TMEM131: variants seen among roughly 807,000 people sequenced by gnomAD.
TMEM131 encodes the protein transmembrane protein 131, also known as 2610524E03Rik.
TMEM131 carries 66 observed loss-of-function variants against 211.6 expected under a neutral mutation model. That is an observed-to-expected ratio of 0.31 (90% CI 0.26 to 0.38). TMEM131 has a LOEUF of 0.38. TMEM131 is among the 10% of genes least tolerant of loss of function. The probability of loss-of-function intolerance (pLI) is 1.00; values close to 1 mark genes in which losing one functional copy is unlikely to be tolerated. For synonymous variants in TMEM131, 844 were observed against 841.3 expected (o/e 1.00, Z -0.06); for missense variants, 2,036 against 2,299.3 (o/e 0.89, Z 2.34).
intron 19 of TMEM131, among the ~76,000 whole-genome samples, chr2:97,808,024 T>C (rs1447250132): frequency 2.0e-5 from 3 of 150,034 alleles, no homozygotes; most frequent in Non-Finnish European, 4.5e-5. Context: ...GTGTTTTAGA[T>C]TTTTTTTTTG....
At chr2:97,832,004 C>CTAAAAAAAAAA (rs1553603064) in intron 11 of TMEM131, among the ~76,000 whole-genome samples, 1 of 60,266 alleles carries the variant, frequency 1.7e-5, no homozygotes, top group Non-Finnish European at 2.9e-5. Flanking sequence ...AAGTCACTTC[C>CTAAAAAAAAAA]AAAAAAAAAA....
At chr2:97,788,797 G>A (rs543183276) in intron 31 of TMEM131, among the ~76,000 whole-genome samples, 2 of 152,318 alleles carry the variant, frequency 1.3e-5, no homozygotes, top group African/African-American at 4.8e-5. Context: ...ACCTTGGCAA[G>A]TGTGGATCAG....
chr2:97,810,929 GA>G (rs773353922), intron 18 of TMEM131, among the ~76,000 whole-genome samples, 198 bp downstream of exon 18: 73 of 152,332 alleles, frequency 4.8e-4, no homozygotes, highest in Admixed American at 7.8e-4. Context: ...TTTAGGTTAG[GA>G]GGGTTGGGTT....
intron 5 of TMEM131, among the ~76,000 whole-genome samples, chr2:97,849,897 A>G (rs1363892230): frequency 1.3e-5 from 2 of 152,052 alleles, no homozygotes; most frequent in African/African-American, 4.8e-5. Context: ...TTAAAGCCAA[A>G]TTAACTTTAA....
chr2:97,815,472 AC>A (rs1205198375), intron 12 of TMEM131, among the ~76,000 whole-genome samples, 165 bp from the exon 13 acceptor site: 3 of 152,116 alleles, frequency 2.0e-5, no homozygotes, highest in African/African-American at 7.2e-5. Context: ...CATTTTTCAT[AC>A]AAAAGGGGGA....
In TMEM131 at chr2:97,815,282, C is replaced by A; in HGVS notation, c.1209G>T (p.Gln403His). ...CTTTAACTGTTATTTTCCCAGAAAA[C>A]TGAGATGGCTTTTTTGCCTTCGATG... ...FDASKAKKPS[Q>H]FSGKITVKAK... The change falls in exon 13 of 41, where the codon CAG becomes CAT. Residue 403 changes from glutamine to histidine, a missense_variant. Gln to His is a conservative substitution (Grantham distance 24). This residue lies in a region of TMEM131 where 1,623 missense variants were observed against 1,805.9 expected (regional missense o/e 0.90). Coordinates refer to ENST00000186436, the MANE Select transcript of TMEM131 (RefSeq NM_015348.2). The A allele has an allele frequency of 6.4e-7, 1 of 1,570,740 alleles. No homozygotes were observed. The highest frequency in any genetic ancestry group is 8.6e-7 in the Non-Finnish European group (1 of 1,167,318).
chr2:97,952,314 T>C (rs1295155178), intron 1 of TMEM131, among the ~76,000 whole-genome samples: 3 of 151,718 alleles, frequency 2.0e-5, no homozygotes, highest in Non-Finnish European at 4.4e-5. Flanking sequence ...ATTTGAAAAA[T>C]TAATACAGGA....
At chr2:97,960,646 T>C (rs999128340) in intron 1 of TMEM131, among the ~76,000 whole-genome samples, 1 of 152,140 alleles carries the variant, frequency 6.6e-6, no homozygotes, top group Non-Finnish European at 1.5e-5. Context: ...TCTATAAAAA[T>C]GATTCAACAT....
chr2:97,851,569 A>C (rs968900132), intron 5 of TMEM131, among the ~76,000 whole-genome samples: 1 of 152,106 alleles, frequency 6.6e-6, no homozygotes, highest in Non-Finnish European at 1.5e-5. Context: ...TATCAGTGTC[A>C]TTTTTCCAAC....
intron 14 of TMEM131, 32 bp from the exon 15 acceptor site, chr2:97,814,173 G>C (rs1382240603): frequency 1.9e-6 from 3 of 1,612,200 alleles, no homozygotes; most frequent in Non-Finnish European, 2.5e-6. Context: ...AAAAAACAAA[G>C]TGTCAGCATC....
At chr2:97,896,093 A>G (rs1046911685) in intron 3 of TMEM131, among the ~76,000 whole-genome samples, 3 of 152,140 alleles carry the variant, frequency 2.0e-5, no homozygotes, top group African/African-American at 7.2e-5. Context: ...TTCAAAGAAC[A>G]TCTTTTTTCT....
chr2:97,766,185 C>A lies in TMEM131; in HGVS notation c.4652G>T (p.Ser1551Ile). 6.2e-7 allele frequency: 1 copy of A among 1,614,078 alleles called. No individual in the cohort carries two copies. The highest frequency in any genetic ancestry group is 8.5e-7 in the Non-Finnish European group (1 of 1,179,910). ...AGAGTCTTTTTCACCCTCTGAGCTA[C>A]TGGTGTTGCCTAATTCTTGACTATT... ...LPNSQELGNT[S>I]SSEGEKDSPP... Residue 1551 changes from serine (S) to isoleucine (I), a missense_variant, in exon 35 of 41, where the codon AGT (serine) becomes ATT (isoleucine). Transcript: ENST00000186436.
At chr2:97,879,435 C>G (rs1353591306) in intron 4 of TMEM131, among the ~76,000 whole-genome samples, 3 of 152,194 alleles carry the variant, frequency 2.0e-5, no homozygotes, top group African/African-American at 7.2e-5. Flanking sequence ...CTGTCACTTA[C>G]AACCAAATAA....
intron 2 of TMEM131, among the ~76,000 whole-genome samples, chr2:97,922,126 CAGGCACTAGTTAGATTCTCCTA>C (rs1269989562): frequency 4.6e-5 from 7 of 152,180 alleles, no homozygotes; most frequent in African/African-American, 1.7e-4. Context: ...CTGAAATCAT[CAGGCACTAGTTAGATTCTCCTA>C]AGGCACGCGC....
intron 19 of TMEM131, 67 bp downstream of exon 19, chr2:97,809,621 G>A: frequency 9.3e-7 from 1 of 1,070,662 alleles, no homozygotes; most frequent in Non-Finnish European, 1.4e-6. Context: ...TAAGATTCTA[G>A]GAACACAGAG....
chr2:97,817,085 ATTTC>A (rs1681863106), intron 12 of TMEM131, among the ~76,000 whole-genome samples: 1 of 152,316 alleles, frequency 6.6e-6, no homozygotes, highest in Admixed American at 6.5e-5. Context: ...AATTTTACAT[ATTTC>A]TTTAAGAAAC....
chr2:97,967,849 G>A (rs114609525), intron 1 of TMEM131, among the ~76,000 whole-genome samples: 3,776 of 151,558 alleles, frequency 0.025, 52 homozygotes, highest in Middle Eastern at 0.065. Flanking sequence ...GTCTTCCCAT[G>A]TAACACATCC....
chr2:97,760,684 T>G lies in TMEM131; in HGVS notation c.5017A>C (p.Asn1673His), dbSNP rs887852724. The change falls in exon 38 of 41, where the codon AAT (asparagine) becomes CAT (histidine). Residue 1673 changes from asparagine (N) to histidine (H), a missense_variant. Coordinates refer to ENST00000186436, the MANE Select transcript of TMEM131 (RefSeq NM_015348.2). ...TTTGAAGAAACTTTAGCAAAGCCAT[T>G]CCCACCTGTAACAATGGACGTTCAA... ...TAGYDKSPGG[N>H]GFAKVSSNKT... 4 of 1,613,862 alleles carry G rather than the reference T, an allele frequency of 2.5e-6. No homozygotes were observed. In the African/African-American group the frequency reaches 5.3e-5, roughly 22 times the overall value.
At position 97,758,925 on chromosome 2, in the gene TMEM131, C is replaced by G. The variant is rs1291905331; in HGVS notation, c.5335G>C (p.Ala1779Pro). ...GTGTGGGTCGGGGAGCCGGAACTGG[C>G]TGGCCAGGAAGGACTGGGATCTGTC... ...PATDPSPSWP[A>P]SSGSPTHTAT... The change falls in exon 40 of 41, where the codon GCC becomes CCC. Residue 1779 changes from alanine to proline, a missense_variant. This residue lies in a region of TMEM131 where 1,623 missense variants were observed against 1,805.9 expected (regional missense o/e 0.90). Coordinates refer to ENST00000186436, the MANE Select transcript of TMEM131 (RefSeq NM_015348.2). 6.2e-7 allele frequency: 1 copy of G among 1,613,514 alleles called. No homozygotes were observed. Among genetic ancestry groups the G allele is most frequent in the Non-Finnish European group, 8.5e-7 (1 of 1,179,760 alleles).
Sources: gnomAD v4.1 joint callset for allele counts (sites outside exome capture counted in the v4.1 genomes callset) on GRCh38, gnomAD v4.1.1 for gene constraint, gnomAD v4.1.1 regional missense constraint, MANE v1.5 for transcripts, NCBI Gene and HGNC (gene_info 2026-07-23, HGNC 2026-07-21) for gene names.